Variants in AGRN observed in about 807,000 individuals in gnomAD.
AGRN encodes the protein agrin proteoglycan.
A neutral mutation model predicts 211.0 loss-of-function variants in AGRN; 106 were observed. The observed-to-expected ratio is 0.50, with a 90% CI of 0.43 to 0.59. AGRN has a LOEUF of 0.59. Ranked by LOEUF, AGRN falls within the 20% of genes least tolerant of loss-of-function variation. AGRN has a pLI of 0.00. For missense variants in AGRN, 3,040 were observed against 2,982.6 expected, an observed-to-expected ratio of 1.02 and a Z score of -0.45; for synonymous variants, 1,525 against 1,332.5, an observed-to-expected ratio of 1.14 and a Z score of -3.15.
At position 1,047,133 on chromosome 1, in the gene AGRN, T is replaced by C. The variant is rs3128101; in HGVS notation, c.3388+176T>C. On this transcript the variant is annotated intron_variant, in intron 19 of 35. Coordinates refer to ENST00000379370, the MANE Select transcript of AGRN (RefSeq NM_198576.4). ...ACCCGTCTCTCTCGTTGCAAGCCGG[T>C]GTGGCACACTGCTCTGAGGAGTCCT... 0.93 allele frequency: 1,263,030 copies of C among 1,358,160 alleles called. 587,881 individuals are homozygous for C. The highest frequency in any genetic ancestry group is 1 in the East Asian group (39,715 of 39,720). The allele number at this position is 1,358,160 out of a possible 1,614,324, so 84.1% of individuals were successfully genotyped here.
intron 30 of AGRN, 52 bp from the exon 31 acceptor site, chr1:1,051,201 G>C (rs567517169): frequency 1.3e-6 from 2 of 1,552,682 alleles, no homozygotes; most frequent in Admixed American, 1.9e-5. Flanking sequence ...CTGGGCCCTG[G>C]GTCTGCACCG....
intron 3 of AGRN, among the ~76,000 whole-genome samples, chr1:1,037,304 G>A (rs1644824758): frequency 6.6e-6 from 1 of 152,176 alleles, no homozygotes; most frequent in Non-Finnish European, 1.5e-5. Context: ...AGAAGGCTGG[G>A]GAGTGTCTCC....
At chr1:1,049,482 A>ACCCCGG in intron 25 of AGRN, 31 bp downstream of exon 25, 1 of 1,598,426 alleles carries the variant, frequency 6.3e-7, no homozygotes, top group Non-Finnish European at 8.5e-7. Context: ...TGTGGCCCCG[A>ACCCCGG]CCCCGGCCCT....
At chr1:1,046,789 C>G in intron 18 of AGRN, 31 bp from the exon 19 acceptor site, 1 of 1,574,958 alleles carries the variant, frequency 6.3e-7, no homozygotes, top group Non-Finnish European at 8.6e-7. Context: ...GAGGCTCCAC[C>G]AGAGCCTGGG....
rs375721168 is a variant in AGRN, at chr1:1,046,592, G to T, written c.3107G>T (p.Trp1036Leu). Reference sequence around the variant, plus strand: ...GCCAGCGTCCCCAGGACCACCGTGTGGCCCGTGCTGACGGTGCCCCCCACG... The same window carrying T: ...GCCAGCGTCCCCAGGACCACCGTGTTGCCCGTGCTGACGGTGCCCCCCACG... ...TTASVPRTTV[W>L]PVLTVPPTAP... The change falls in exon 18 of 36, where the codon TGG becomes TTG. Residue 1036 changes from tryptophan to leucine, a missense_variant. Physicochemically the swap from Trp to Leu is moderately conservative, Grantham distance 61. This residue lies in a region of AGRN where 1,537 missense variants were observed against 1,505.0 expected (regional missense o/e 1.02). Coordinates refer to ENST00000379370, the MANE Select transcript of AGRN (RefSeq NM_198576.4). 149 of 1,606,708 alleles carry T rather than the reference G, an allele frequency of 9.3e-5. No homozygotes were observed. Among genetic ancestry groups the T allele is most frequent in the Non-Finnish European group, 1.2e-4 (142 of 1,179,662 alleles).
Position 1,049,080 on chromosome 1 carries a change from G to T in AGRN, c.4298+21G>T, listed in dbSNP as rs1482634927. ...CTCAGGTGGGCGGGGAGGGGACGGG[G>T]CCGGGGCAGCTCAGGTGGGCGGGGA... On this transcript the variant is annotated intron_variant, in intron 24 of 35. Coordinates refer to ENST00000379370, the MANE Select transcript of AGRN (RefSeq NM_198576.4). The T allele has an allele frequency of 7.5e-6, 11 of 1,466,186 alleles. No homozygotes were observed. The South Asian group carries it at 1.3e-4, about 17-fold the overall frequency. 90.8% of individuals were successfully genotyped at this position (1,466,186 alleles called of 1,614,324 possible).
chr1:1,045,432 C>A lies in AGRN; in HGVS notation c.2445C>A (p.Arg815=), dbSNP rs1208562427. The A allele has an allele frequency of 1.2e-6, 2 of 1,612,412 alleles. No homozygotes were observed. The highest frequency in any genetic ancestry group is 2.2e-5 in the South Asian group (2 of 91,068). The change falls in exon 14 of 36, where the codon CGC becomes CGA. Residue 815 remains arginine (R), a synonymous_variant. Coordinates refer to ENST00000379370, the MANE Select transcript of AGRN (RefSeq NM_198576.4). ...CDPATGQCSC[R]PGVGGLRCDR... is the part of the protein sequence containing the mutation. ...CAGCCACAGGCCAGTGCTCCTGCCG[C>A]CCAGGTGTGGGGGGCCTCAGGTGTG...
chr1:1,039,517 T>G (rs1418140856), intron 3 of AGRN, among the ~76,000 whole-genome samples: 1 of 151,936 alleles, frequency 6.6e-6, no homozygotes, highest in Non-Finnish European at 1.5e-5. Flanking sequence ...AATTAAACAT[T>G]TATTAAATCC....
At position 1,045,254 on chromosome 1, in the gene AGRN, G is replaced by T; in HGVS notation, c.2348G>T (p.Gly783Val). ...CCQDNITAARGVGLAGCPSAC... is the reference protein window; with the variant it reads ...CCQDNITAARVVGLAGCPSAC... ...CAGGACAATATCACCGCAGCCCGGG[G>T]CGTGGGCCTGGCTGGCTGCCCCAGT... Residue 783 changes from glycine (G) to valine (V), a missense_variant, in exon 13 of 36, where the codon GGC becomes GTC. Gly to Val is a moderately radical substitution (Grantham distance 109). Transcript: ENST00000379370. 1 of 1,611,690 alleles carries T rather than the reference G, an allele frequency of 6.2e-7. No homozygotes were observed. Among genetic ancestry groups the T allele is most frequent in the Non-Finnish European group, 8.5e-7 (1 of 1,179,500 alleles).
At chr1:1,043,794 C>G (rs777585248) in intron 9 of AGRN, 29 bp from the exon 10 acceptor site, 6 of 1,608,104 alleles carry the variant, frequency 3.7e-6, no homozygotes, top group African/African-American at 1.3e-5. Flanking sequence ...CTGGGCCTGC[C>G]GACCCCTGCC....
intron 1 of AGRN, 86 bp from the exon 2 acceptor site, chr1:1,022,115 G>A (rs1055481777): frequency 6.5e-7 from 1 of 1,540,872 alleles, no homozygotes; most frequent in Non-Finnish European, 8.9e-7. Context: ...GTCTACTGTG[G>A]ACATTTGCCC....
At position 1,042,179 on chromosome 1, in the gene AGRN, G is replaced by A. The variant is rs1278702856; in HGVS notation, c.1384+17G>A. 6.3e-7 allele frequency: 1 copy of A among 1,583,904 alleles called. No individual in the cohort carries two copies. Among genetic ancestry groups the A allele is most frequent in the South Asian group, 1.1e-5 (1 of 89,860 alleles). Reference sequence around the variant, plus strand: ...GCCCGTGTGGTGAGCGCCCCGGGGTGGAGGCCAGGCGGGGTGGGCTGCTCC... The same window carrying A: ...GCCCGTGTGGTGAGCGCCCCGGGGTAGAGGCCAGGCGGGGTGGGCTGCTCC... On this transcript the variant is annotated intron_variant, in intron 7 of 35. Coordinates refer to ENST00000379370, the MANE Select transcript of AGRN (RefSeq NM_198576.4).
chr1:1,046,123 G>T (rs754051831), intron 16 of AGRN, 35 bp downstream of exon 16: 45 of 1,613,842 alleles, frequency 2.8e-5, no homozygotes, highest in Non-Finnish European at 3.7e-5. Flanking sequence ...GAGTGGGGAG[G>T]AGGCCTCGCC....
intron 2 of AGRN, among the ~76,000 whole-genome samples, chr1:1,028,026 G>A (rs1274023385): frequency 6.6e-6 from 1 of 152,192 alleles, no homozygotes; most frequent in Non-Finnish European, 1.5e-5. Flanking sequence ...GGAGGCTGGG[G>A]TGTGAGCAGG....
At chr1:1,054,604 G>A (rs755705603) in intron 35 of AGRN, 53 bp downstream of exon 35, 54 of 1,544,402 alleles carry the variant, frequency 3.5e-5, no homozygotes, top group East Asian at 9.7e-5. Context: ...CATGATATCC[G>A]AGGGACAGAC....
At chr1:1,051,843 G>A (rs200741877) in intron 33 of AGRN, 28 bp downstream of exon 33, 19 of 1,612,542 alleles carry the variant, frequency 1.2e-5, no homozygotes, top group Middle Eastern at 1.6e-4. Context: ...GCTGGCTGTC[G>A]GTTCCATCTG....
intron 2 of AGRN, among the ~76,000 whole-genome samples, chr1:1,030,970 T>G (rs1644658996): frequency 8.6e-6 from 1 of 115,798 alleles, no homozygotes; most frequent in Non-Finnish European, 1.8e-5. Flanking sequence ...GATCAGCATG[T>G]GTGTGTGTGT....
chr1:1,037,714 A>G (rs920666038), intron 3 of AGRN, among the ~76,000 whole-genome samples: 2 of 152,134 alleles, frequency 1.3e-5, no homozygotes, highest in East Asian at 1.9e-4. Context: ...ACCTGCATCT[A>G]TGAGGGGCCA....
chr1:1,046,559 G>T lies in AGRN; in HGVS notation c.3074G>T (p.Arg1025Leu). Residue 1025 changes from arginine to leucine, a missense_variant, in exon 18 of 36, where the codon CGG (arginine) becomes CTG (leucine). Physicochemically the swap from Arg to Leu is moderately radical, Grantham distance 102. Coordinates refer to ENST00000379370, the MANE Select transcript of AGRN (RefSeq NM_198576.4). ...QTTPPPSSRP[R>L]TTASVPRTTV... ...ACCCCTCCGCCCTCATCACGACCTC[G>T]GACCACTGCCAGCGTCCCCAGGACC... 6.2e-7 allele frequency: 1 copy of T among 1,609,112 alleles called. No homozygotes were observed.
Sources: allele counts gnomAD v4.1 joint callset (sites outside exome capture counted in the v4.1 genomes callset), GRCh38; gene constraint gnomAD v4.1.1; regional missense constraint gnomAD v4.1.1; transcripts MANE v1.5; gene names NCBI Gene and HGNC (gene_info 2026-07-23, HGNC 2026-07-21).